The following CSMD1 variants were observed in gnomAD, a reference collection of about 807,000 sequenced individuals.
The protein encoded by CSMD1 is CUB and sushi domain-containing protein 1.
CSMD1 carries 213 observed loss-of-function variants against 417.5 expected under a neutral mutation model. That is an observed-to-expected ratio of 0.51 (90% confidence interval 0.46 to 0.57). CSMD1 has a LOEUF of 0.57. Among genes scored for constraint, CSMD1 ranks in the 20% least tolerant of loss-of-function variants. CSMD1 has a pLI of 0.00. For missense variants in CSMD1, 6,923 were observed against 4,529.7 expected (o/e 1.53, Z -15.17); for synonymous variants, 2,862 against 1,736.8 (o/e 1.65, Z -16.11).
At chr8:4,058,318 C>T (rs2554521) in intron 3 of CSMD1, among the ~76,000 whole-genome samples, 142,680 of 152,116 alleles carry the variant, frequency 0.94, 66,978 homozygotes, top group East Asian at 0.99. Context: ...AGTTCACTCA[C>T]GATTTGGCTC....
At chr8:3,679,200 C>T (rs2624106) in intron 7 of CSMD1, among the ~76,000 whole-genome samples, 117,996 of 152,012 alleles carry the variant, frequency 0.78, 46,354 homozygotes, top group African/African-American at 0.89. Flanking sequence ...ACCTTAAATG[C>T]AAATGGGCTA....
chr8:4,338,452 G>A (rs943220857), intron 3 of CSMD1, among the ~76,000 whole-genome samples: 9 of 152,078 alleles, frequency 5.9e-5, no homozygotes, highest in African/African-American at 2.2e-4. Flanking sequence ...AAGAAACCTG[G>A]ACGTTTACAC....
At chr8:4,301,997 C>A (rs34048256) in intron 3 of CSMD1, among the ~76,000 whole-genome samples, 23,394 of 152,124 alleles carry the variant, frequency 0.15, 1,887 homozygotes, top group East Asian at 0.28. Flanking sequence ...TATGTTAGAA[C>A]AAGTTAATAT....
intron 2 of CSMD1, among the ~76,000 whole-genome samples, chr8:4,627,162 C>G (rs138626420): frequency 8.5e-5 from 13 of 152,230 alleles, no homozygotes; most frequent in African/African-American, 2.9e-4. Flanking sequence ...TGAAAACTCA[C>G]TTGTTTATTC....
Position 3,583,733 on chromosome 8 carries a change from A to G in CSMD1, c.1222+2403T>C, listed in dbSNP as rs142203677. 3.4e-3 allele frequency among the ~76,000 whole-genome samples: 522 copies of G among 152,246 alleles called. 5 individuals are homozygous for G. The highest frequency in any genetic ancestry group is 0.012 in the African/African-American group (484 of 41,546). ...GCTGCCATTTGGAAGCTACAGCTGC[A>G]CAAGCATTCTAGACAGGAAAGGCAG... On this transcript the variant is annotated intron_variant, in intron 9 of 69. Coordinates refer to ENST00000635120, the MANE Select transcript of CSMD1 (RefSeq NM_033225.6).
intron 1 of CSMD1, among the ~76,000 whole-genome samples, chr8:4,657,601 C>T (rs933221134): frequency 1.3e-5 from 2 of 151,116 alleles, no homozygotes; most frequent in African/African-American, 2.4e-5. Flanking sequence ...AAACAATTCC[C>T]AAGAAGAATA....
chr8:3,079,622 CT>C (rs1228008895), intron 49 of CSMD1, among the ~76,000 whole-genome samples: 3 of 152,060 alleles, frequency 2.0e-5, no homozygotes, highest in African/African-American at 4.8e-5. Flanking sequence ...CTAACATATC[CT>C]CCTAACATTT....
intron 1 of CSMD1, among the ~76,000 whole-genome samples, chr8:4,853,597 A>G (rs1563593179): frequency 6.6e-6 from 1 of 152,234 alleles, no homozygotes; most frequent in Non-Finnish European, 1.5e-5. Context: ...ATATTTGAAT[A>G]GGGCAGTGCC....
chr8:4,502,566 CA>C (rs1433608160), intron 2 of CSMD1, among the ~76,000 whole-genome samples: 2 of 152,102 alleles, frequency 1.3e-5, no homozygotes, highest in Non-Finnish European at 2.9e-5. Flanking sequence ...TTATTTCAGA[CA>C]AAAAACTTGT....
chr8:4,749,924 C>G (rs950322146), intron 1 of CSMD1, among the ~76,000 whole-genome samples: 4 of 151,848 alleles, frequency 2.6e-5, no homozygotes, highest in African/African-American at 7.3e-5. Flanking sequence ...TCAAGCGCCA[C>G]TAATAGAAAA....
intron 12 of CSMD1, among the ~76,000 whole-genome samples, chr8:3,429,138 T>G (rs1814046702): frequency 6.6e-6 from 1 of 152,174 alleles, no homozygotes; most frequent in Non-Finnish European, 1.5e-5. Context: ...GTGATTACAC[T>G]TAACAATATT....
chr8:4,079,609 T>G (rs1454921241), intron 3 of CSMD1, among the ~76,000 whole-genome samples: 1 of 152,232 alleles, frequency 6.6e-6, no homozygotes, highest in Non-Finnish European at 1.5e-5. Context: ...CATTAAAGAT[T>G]TCTTCATGGA....
In CSMD1 at chr8:3,932,478, G is replaced by C. The variant is rs1283484696; in HGVS notation, c.818+65425C>G. 1.3e-5 allele frequency among the ~76,000 whole-genome samples: 2 copies of C among 150,518 alleles called. 1 individual carries two copies. Among genetic ancestry groups the C allele is most frequent in the South Asian group, 4.3e-4 (2 of 4,668 alleles). ...CACGGTAATAAGACCTTGATATGTAGGACCTTGATGCTAAGTCTAGGGAAA... is the reference window on the plus strand; with the variant it reads ...CACGGTAATAAGACCTTGATATGTACGACCTTGATGCTAAGTCTAGGGAAA... On this transcript the variant is annotated intron_variant, in intron 5 of 69. Coordinates refer to ENST00000635120, the MANE Select transcript of CSMD1 (RefSeq NM_033225.6).
chr8:4,064,007 A>G (rs1019384977), intron 3 of CSMD1, among the ~76,000 whole-genome samples: 1 of 152,204 alleles, frequency 6.6e-6, no homozygotes, highest in South Asian at 2.1e-4. Flanking sequence ...GAGTGTACCT[A>G]AAGAAGCCTC....
intron 3 of CSMD1, among the ~76,000 whole-genome samples, chr8:4,164,422 G>T (rs1230016346): frequency 2.0e-5 from 3 of 152,018 alleles, no homozygotes; most frequent in East Asian, 3.9e-4. Context: ...TATCCTTGAG[G>T]GTTGCAGGTG....
At chr8:4,190,103 CAAA>C (rs1798927909) in intron 3 of CSMD1, among the ~76,000 whole-genome samples, 1 of 151,504 alleles carries the variant, frequency 6.6e-6, no homozygotes, top group Non-Finnish European at 1.5e-5. Flanking sequence ...CTAAAAAATA[CAAA>C]AAATGAGCCG....
At chr8:3,282,493 T>G (rs1291110038) in intron 26 of CSMD1, among the ~76,000 whole-genome samples, 1 of 152,216 alleles carries the variant, frequency 6.6e-6, no homozygotes, top group Non-Finnish European at 1.5e-5. Context: ...GAATCACAAT[T>G]CTACCATCTG....
intron 47 of CSMD1, among the ~76,000 whole-genome samples, chr8:3,095,150 A>C (rs1379923128): frequency 1.3e-5 from 2 of 152,190 alleles, no homozygotes; most frequent in Admixed American, 6.5e-5. Flanking sequence ...TTTCAATTCA[A>C]CTACTGTGAA....
chr8:3,625,193 T>A (rs991836765), intron 7 of CSMD1, among the ~76,000 whole-genome samples: 1 of 152,336 alleles, frequency 6.6e-6, no homozygotes, highest in African/African-American at 2.4e-5. Flanking sequence ...AAAATAAGAA[T>A]TGTTGACACT....
Sources: gnomAD v4.1 joint callset for allele counts (sites outside exome capture counted in the v4.1 genomes callset) on GRCh38, gnomAD v4.1.1 for gene constraint, MANE v1.5 for transcripts, NCBI Gene and HGNC (gene_info 2026-07-23, HGNC 2026-07-21) for gene names.